The following PCDHB12 variants were observed in gnomAD, a reference collection of about 807,000 sequenced individuals.
PCDHB12 encodes the protein protocadherin beta-12.
For missense variants in PCDHB12, 1,192 were observed against 998.2 expected, an observed-to-expected ratio of 1.19 and a Z score of -2.62; for synonymous variants, 560 against 445.2, an observed-to-expected ratio of 1.26 and a Z score of -3.24.
At position 141,211,241 on chromosome 5, in the gene PCDHB12, C is replaced by T. The variant is rs782599976; in HGVS notation, c.2334C>T (p.Ser778=). 6.2e-7 allele frequency: 1 copy of T among 1,612,400 alleles called. No homozygotes were observed. The highest frequency in any genetic ancestry group is 8.5e-7 in the Non-Finnish European group (1 of 1,179,352). Residue 778 remains serine (S), a synonymous_variant, in exon 1 of 1, where the codon AGC becomes AGT. Coordinates refer to ENST00000239450, the MANE Select transcript of PCDHB12 (RefSeq NM_018932.4). ...TTATCCCCAACTTCCTACCCCAGAG[C>T]ACAGGTAGTGAAGTCGAAGAAAATC... ...KPIIPNFLPQ[S]TGSEVEENPP... is the part of the protein sequence containing the mutation.
chr5:141,210,226 T>G lies in PCDHB12; in HGVS notation c.1319T>G (p.Leu440Arg). The change falls in exon 1 of 1, where the codon CTG (leucine) becomes CGG (arginine). Residue 440 changes from leucine to arginine, a missense_variant. Leu to Arg is a moderately radical substitution (Grantham distance 102). Coordinates refer to ENST00000239450, the MANE Select transcript of PCDHB12 (RefSeq NM_018932.4). ...RLKTEHNITV[L>R]VSDVNDNAPA... ...AAAACCGAGCACAACATAACCGTGC[T>G]GGTCTCCGACGTCAATGACAACGCC... 1 of 1,614,228 alleles carries G rather than the reference T, an allele frequency of 6.2e-7. No individual in the cohort carries two copies. The highest frequency in any genetic ancestry group is 8.5e-7 in the Non-Finnish European group (1 of 1,180,046).
chr5:141,208,842 C>G lies in PCDHB12; in HGVS notation c.-66C>G. 7.1e-7 allele frequency: 1 copy of G among 1,417,434 alleles called. No individual in the cohort carries two copies. The highest frequency in any genetic ancestry group is 2.3e-5 in the East Asian group (1 of 43,046). The allele number at this position is 1,417,434 out of a possible 1,614,324, so 87.8% of individuals were successfully genotyped here. ...TGGTAGACAGATCAGAGGCACGTTT[C>G]CCACAACTGCGAAGAGGCGCTGAGG... On this transcript the variant is annotated 5_prime_UTR_variant, in exon 1 of 1. Coordinates refer to ENST00000239450, the MANE Select transcript of PCDHB12 (RefSeq NM_018932.4).
chr5:141,210,498 G>T lies in PCDHB12; in HGVS notation c.1591G>T (p.Val531Leu), dbSNP rs139448614. ...GGCCCTGCAGGGGTTCCAGTTCCGC[G>T]TGGGCGCCACAGACCACGGCTCCCC... is the stretch of plus-strand genomic sequence containing the variant. ...YEALQGFQFR[V>L]GATDHGSPAL... The change falls in exon 1 of 1, where the codon GTG becomes TTG. Residue 531 changes from valine (V) to leucine (L), a missense_variant. Coordinates refer to ENST00000239450, the MANE Select transcript of PCDHB12 (RefSeq NM_018932.4). The T allele has an allele frequency of 7.4e-6, 12 of 1,612,374 alleles. No homozygotes were observed. Among genetic ancestry groups the T allele is most frequent in the Non-Finnish European group, 1.0e-5 (12 of 1,179,850 alleles).
At position 141,209,807 on chromosome 5, in the gene PCDHB12, C is replaced by T. The variant is rs781871417; in HGVS notation, c.900C>T (p.Asp300=). The change falls in exon 1 of 1, where the codon GAC becomes GAT. Residue 300 remains aspartate, a synonymous_variant. Coordinates refer to ENST00000239450, the MANE Select transcript of PCDHB12 (RefSeq NM_018932.4). The part of the protein sequence containing the change: ...KTFEINQKSG[D]ITLTAPLDFE... ...TTGAAATTAATCAAAAGTCTGGTGA[C>T]ATTACTTTAACAGCACCTTTGGATT... is the stretch of plus-strand genomic sequence containing the variant. 12 of 1,614,194 alleles carry T rather than the reference C, an allele frequency of 7.4e-6. No individual in the cohort carries two copies. The highest frequency in any genetic ancestry group is 5.0e-5 in the Admixed American group (3 of 60,026).
chr5:141,210,152 C>T lies in PCDHB12; in HGVS notation c.1245C>T (p.Ala415=), dbSNP rs781988261. 8 of 1,614,166 alleles carry T rather than the reference C, an allele frequency of 5.0e-6. No individual in the cohort carries two copies. Among genetic ancestry groups the T allele is most frequent in the Non-Finnish European group, 6.8e-6 (8 of 1,180,014 alleles). Residue 415 remains alanine (A), a synonymous_variant, in exon 1 of 1, where the codon GCC becomes GCT. Coordinates refer to ENST00000239450, the MANE Select transcript of PCDHB12 (RefSeq NM_018932.4). ...GACCGCTGGACAGAGAGAGCAGAGC[C>T]GAGTACAACATCACCATCACCGTCA... ...TERPLDRESR[A]EYNITITVTD... is the part of the protein sequence containing the mutation.
rs1374595099 is a variant in PCDHB12 at position 141,209,553 on chromosome 5, G to A, written c.646G>A (p.Asp216Asn). The stretch of plus-strand genomic sequence containing the variant: ...GCTCAGTTTCATCCTCACTGCTCTG[G>A]ATGGCGGGTCCCCTCCCAGGTCTGG... ...PELSFILTAL[D>N]GGSPPRSGTA... Residue 216 changes from aspartate (D) to asparagine (N), a missense_variant, in exon 1 of 1, where the codon GAT (aspartate) becomes AAT (asparagine). Coordinates refer to ENST00000239450, the MANE Select transcript of PCDHB12 (RefSeq NM_018932.4). The A allele has an allele frequency of 6.2e-7, 1 of 1,614,176 alleles. No homozygotes were observed. The highest frequency in any genetic ancestry group is 2.2e-5 in the East Asian group (1 of 44,872).
rs782512120 is a variant in PCDHB12 at position 141,210,705 on chromosome 5, G to T, written c.1798G>T (p.Ala600Ser). The change falls in exon 1 of 1, where the codon GCC becomes TCC. Residue 600 changes from alanine to serine, a missense_variant. Transcript: ENST00000239450. Reference sequence around the variant, plus strand: ...GGTGGACGGTGACTCGGGCCAGAACGCCTGGCTGTCGTACCAGCTGCTCAA... The same window carrying T: ...GGTGGACGGTGACTCGGGCCAGAACTCCTGGCTGTCGTACCAGCTGCTCAA... ...VAVDGDSGQN[A>S]WLSYQLLKAT... 12 of 1,609,552 alleles carry T rather than the reference G, an allele frequency of 7.5e-6. No individual in the cohort carries two copies. In the Admixed American group the frequency reaches 1.5e-4, roughly 20 times the overall value.
Position 141,210,046 on chromosome 5 carries a change from A to G in PCDHB12, c.1139A>G (p.Lys380Arg). ...IRDRDSGDNGKMVCSIPEDIP... is the reference protein window; with the variant it reads ...IRDRDSGDNGRMVCSIPEDIP... ...GACAGAGACTCTGGGGACAACGGAA[A>G]GATGGTTTGTTCTATCCCGGAGGAC... Residue 380 changes from lysine (K) to arginine (R), a missense_variant, in exon 1 of 1, where the codon AAG becomes AGG. By Grantham distance (26) the Lys-to-Arg change is conservative. Coordinates refer to ENST00000239450, the MANE Select transcript of PCDHB12 (RefSeq NM_018932.4). 1 of 1,614,224 alleles carries G rather than the reference A, an allele frequency of 6.2e-7. No homozygotes were observed. Among genetic ancestry groups the G allele is most frequent in the East Asian group, 2.2e-5 (1 of 44,880 alleles).
At position 141,210,383 on chromosome 5, in the gene PCDHB12, G is replaced by T. The variant is rs150189995; in HGVS notation, c.1476G>T (p.Pro492=). The change falls in exon 1 of 1, where the codon CCG becomes CCT. Residue 492 remains proline (P), a synonymous_variant. Transcript: ENST00000239450. The part of the protein sequence containing the change: ...TNAQVNYSLL[P]SQDPHLPLAS... ...CCCAGGTCAACTACTCGCTGCTGCC[G>T]TCCCAGGACCCGCACCTGCCCCTCG... 37 of 1,612,890 alleles carry T rather than the reference G, an allele frequency of 2.3e-5. No homozygotes were observed. Among genetic ancestry groups the T allele is most frequent in the Non-Finnish European group, 2.5e-5 (29 of 1,180,042 alleles).
Position 141,210,199 on chromosome 5 carries a change from T to C in PCDHB12, c.1292T>C (p.Leu431Pro), listed in dbSNP as rs1315908649. 4 of 1,614,032 alleles carry C rather than the reference T, an allele frequency of 2.5e-6. No homozygotes were observed. Among genetic ancestry groups the C allele is most frequent in the Non-Finnish European group, 3.4e-6 (4 of 1,179,990 alleles). The stretch of plus-strand genomic sequence containing the variant: ...GTCACCGACTTGGGGACCCCCAGGC[T>C]AAAAACCGAGCACAACATAACCGTG... ...ITVTDLGTPR[L>P]KTEHNITVLV... Residue 431 changes from leucine (L) to proline (P), a missense_variant, in exon 1 of 1, where the codon CTA becomes CCA. Transcript: ENST00000239450.
Position 141,211,223 on chromosome 5 carries a change from C to T in PCDHB12, c.2316C>T (p.Pro772=). ...TCAAATTTCTGAAACCAATTATCCC[C>T]AACTTCCTACCCCAGAGCACAGGTA... The part of the protein sequence containing the change: ...NKFKFLKPII[P]NFLPQSTGSE... Residue 772 remains proline (P), a synonymous_variant, in exon 1 of 1, where the codon CCC becomes CCT. Coordinates refer to ENST00000239450, the MANE Select transcript of PCDHB12 (RefSeq NM_018932.4). The T allele has an allele frequency of 1.2e-6, 2 of 1,614,012 alleles. No individual in the cohort carries two copies. Among genetic ancestry groups the T allele is most frequent in the South Asian group, 1.1e-5 (1 of 91,064 alleles).
At position 141,211,304 on chromosome 5, in the gene PCDHB12, G is replaced by A. The variant is rs1754457437; in HGVS notation, c.*9G>A. 1 of 1,572,964 alleles carries A rather than the reference G, an allele frequency of 6.4e-7. No homozygotes were observed. ...ATAATTTGGGTTTCTGATAAAGAATGAAAAATAAAACCTGTGTTTATGAAT... is the reference window on the plus strand; with the variant it reads ...ATAATTTGGGTTTCTGATAAAGAATAAAAAATAAAACCTGTGTTTATGAAT... On this transcript the variant is annotated 3_prime_UTR_variant, in exon 1 of 1. Transcript: ENST00000239450.
At position 141,211,455 on chromosome 5, in the gene PCDHB12, A is replaced by G. The variant is rs562029431; in HGVS notation, c.*160A>G. ...AGAAAAGGATACAGATTTAGTACCA[A>G]GAACACTTCACAAAGCAGGAAATGT... On this transcript the variant is annotated 3_prime_UTR_variant, in exon 1 of 1. Transcript: ENST00000239450. 2 of 802,242 alleles carry G rather than the reference A, an allele frequency of 2.5e-6. No individual in the cohort carries two copies. The highest frequency in any genetic ancestry group is 2.7e-5 in the East Asian group (1 of 37,480). 49.7% of individuals were successfully genotyped at this position (802,242 alleles called of 1,614,324 possible). A position where few individuals can be genotyped will look rare whatever the true frequency, so the allele number is the denominator to read the frequency against.
At position 141,210,833 on chromosome 5, in the gene PCDHB12, G is replaced by C; in HGVS notation, c.1926G>C (p.Val642=). ...ERDAAKHRLV[V]LVKDNGEPPR... The stretch of plus-strand genomic sequence containing the variant: ...ACGCGGCCAAGCACAGGCTGGTGGT[G>C]CTGGTCAAGGACAATGGCGAGCCTC... Residue 642 remains valine (V), a synonymous_variant, in exon 1 of 1, where the codon GTG becomes GTC. Transcript: ENST00000239450. 6.2e-7 allele frequency: 1 copy of C among 1,601,572 alleles called. No homozygotes were observed. The highest frequency in any genetic ancestry group is 8.5e-7 in the Non-Finnish European group (1 of 1,178,840).
Position 141,209,583 on chromosome 5 carries a change from G to C in PCDHB12, c.676G>C (p.Ala226Pro). Residue 226 changes from alanine to proline, a missense_variant, in exon 1 of 1, where the codon GCC becomes CCC. Ala to Pro is a conservative substitution (Grantham distance 27, BLOSUM62 -1). Coordinates refer to ENST00000239450, the MANE Select transcript of PCDHB12 (RefSeq NM_018932.4). Reference protein sequence around the residue: ...DGGSPPRSGTALVRVVVVDIN... With the variant: ...DGGSPPRSGTPLVRVVVVDIN... ...CGGGTCCCCTCCCAGGTCTGGAACT[G>C]CCTTGGTCAGGGTGGTGGTTGTAGA... The C allele has an allele frequency of 6.2e-7, 1 of 1,614,162 alleles. No individual in the cohort carries two copies. The highest frequency in any genetic ancestry group is 8.5e-7 in the Non-Finnish European group (1 of 1,180,028).
chr5:141,208,970 G>A lies in PCDHB12; in HGVS notation c.63G>A (p.Leu21=), dbSNP rs782699959. ...IRQVLLFFVL[L]GMSQAGSETG... ...AAGTCCTGCTTTTCTTTGTTTTGCTGGGAATGTCTCAGGCGGGCTCTGAAA... is the reference window on the plus strand; with the variant it reads ...AAGTCCTGCTTTTCTTTGTTTTGCTAGGAATGTCTCAGGCGGGCTCTGAAA... The change falls in exon 1 of 1, where the codon CTG becomes CTA. Residue 21 remains leucine (L), a synonymous_variant. Coordinates refer to ENST00000239450, the MANE Select transcript of PCDHB12 (RefSeq NM_018932.4). 2.5e-6 allele frequency: 4 copies of A among 1,576,252 alleles called. No homozygotes were observed. The South Asian group carries it at 4.8e-5, about 19-fold the overall frequency.
rs879995173 is a variant in PCDHB12 at position 141,211,965 on chromosome 5, G to A, written c.*670G>A. On this transcript the variant is annotated 3_prime_UTR_variant, in exon 1 of 1. Coordinates refer to ENST00000239450, the MANE Select transcript of PCDHB12 (RefSeq NM_018932.4). ...ACTAAAGAGAAGAAAAGTTTTTATC[G>A]TATTCATACTACTGTTCAATCTTTA... 3.0e-5 allele frequency: 5 copies of A among 166,984 alleles called. No homozygotes were observed. Among genetic ancestry groups the A allele is most frequent in the Non-Finnish European group, 2.9e-5 (2 of 68,234 alleles). The allele number at this position is 166,984 out of a possible 1,614,324, so 10.3% of individuals were successfully genotyped here. A position where few individuals can be genotyped will look rare whatever the true frequency, so the allele number is the denominator to read the frequency against.
At position 141,211,114 on chromosome 5, in the gene PCDHB12, T is replaced by C. The variant is rs1554287157; in HGVS notation, c.2207T>C (p.Leu736Pro). 2 of 1,614,138 alleles carry C rather than the reference T, an allele frequency of 1.2e-6. No individual in the cohort carries two copies. The highest frequency in any genetic ancestry group is 1.7e-6 in the Non-Finnish European group (2 of 1,180,022). The change falls in exon 1 of 1, where the codon CTG (leucine) becomes CCG (proline). Residue 736 changes from leucine to proline, a missense_variant. Coordinates refer to ENST00000239450, the MANE Select transcript of PCDHB12 (RefSeq NM_018932.4). ...SVPEGPFPGH[L>P]VDVSGTGTLS... Reference sequence around the variant, plus strand: ...CCTGAGGGCCCCTTTCCAGGACATCTGGTGGACGTGAGTGGCACCGGGACC... The same window carrying C: ...CCTGAGGGCCCCTTTCCAGGACATCCGGTGGACGTGAGTGGCACCGGGACC...
At position 141,211,886 on chromosome 5, in the gene PCDHB12, C is replaced by T. The variant is rs1398769168; in HGVS notation, c.*591C>T. ...GCCTGACTCTAAGTCAGTGACTTTG[C>T]TCCCATTCCATACTGTTTTTGTCAT... is the stretch of plus-strand genomic sequence containing the variant. On this transcript the variant is annotated 3_prime_UTR_variant, in exon 1 of 1. Transcript: ENST00000239450. 1 of 168,178 alleles carries T rather than the reference C, an allele frequency of 5.9e-6. No individual in the cohort carries two copies. Among genetic ancestry groups the T allele is most frequent in the Admixed American group, 6.5e-5 (1 of 15,394 alleles). The allele number at this position is 168,178 out of a possible 1,614,324, so 10.4% of individuals were successfully genotyped here. A position where few individuals can be genotyped will look rare whatever the true frequency, so the allele number is the denominator to read the frequency against.
Sources: gnomAD v4.1 joint callset for allele counts on GRCh38, gnomAD v4.1.1 for gene constraint, MANE v1.5 for transcripts, NCBI Gene and HGNC (gene_info 2026-07-23, HGNC 2026-07-21) for gene names.